CSMD1: variants seen among roughly 807,000 people sequenced by gnomAD.
CSMD1 encodes the protein CUB and Sushi multiple domains 1, also known as CUB and sushi domain-containing protein 1.
Under a neutral mutation model 417.5 loss-of-function variants are expected in CSMD1, and 213 were observed. The ratio of observed to expected loss-of-function variants is 0.51; its 90% CI spans 0.46 to 0.57. CSMD1 has a LOEUF of 0.57. CSMD1 is among the 20% of genes least tolerant of loss of function. The pLI, the probability that CSMD1 is intolerant of heterozygous loss-of-function variation, is 0.00. For missense variants in CSMD1, 6,923 were observed against 4,529.7 expected (o/e 1.53, Z -15.17); for synonymous variants, 2,862 against 1,736.8 (o/e 1.65, Z -16.11).
chr8:4,206,393 C>T (rs1799983139), intron 3 of CSMD1, among the ~76,000 whole-genome samples: 1 of 151,982 alleles, frequency 6.6e-6, no homozygotes, highest in African/African-American at 2.4e-5. Flanking sequence ...CCCACCCTGT[C>T]TCCAACTGTT....
chr8:4,853,573 A>G (rs1422717296), intron 1 of CSMD1, among the ~76,000 whole-genome samples: 1 of 152,246 alleles, frequency 6.6e-6, no homozygotes, highest in East Asian at 1.9e-4. Flanking sequence ...CCACAAAGGT[A>G]GAGTCCCACA....
At chr8:4,924,722 CAAAAAA>C (rs60827201) in intron 1 of CSMD1, among the ~76,000 whole-genome samples, 1 of 62,546 alleles carries the variant, frequency 1.6e-5, no homozygotes, top group Admixed American at 2.3e-4. Context: ...AACTCCATCT[CAAAAAA>C]AAAAAAAAAA....
chr8:3,223,819 G>C lies in CSMD1; in HGVS notation c.4394C>G (p.Pro1465Arg). 1 of 1,613,804 alleles carries C rather than the reference G, an allele frequency of 6.2e-7. No homozygotes were observed. Among genetic ancestry groups the C allele is most frequent in the Non-Finnish European group, 8.5e-7 (1 of 1,179,810 alleles). ...LTGPAGVILS[P>R]NYPQPYPPGK... ...AGGAGGATACGGCTGTGGGTAGTTG[G>C]GTGACAAAATAACACCTGCTGGGCC... is the stretch of plus-strand genomic sequence containing the variant. Residue 1465 changes from proline (P) to arginine (R), a missense_variant, in exon 28 of 70, where the codon CCC becomes CGC. Transcript: ENST00000635120.
At chr8:4,475,780 T>C (rs1158554054) in intron 2 of CSMD1, among the ~76,000 whole-genome samples, 2 of 152,046 alleles carry the variant, frequency 1.3e-5, no homozygotes, top group Non-Finnish European at 2.9e-5. Flanking sequence ...ACACAGCTAA[T>C]TTTTGTATTT....
intron 5 of CSMD1, among the ~76,000 whole-genome samples, chr8:3,888,779 G>A (rs1022124304): frequency 6.6e-6 from 1 of 152,024 alleles, no homozygotes; most frequent in African/African-American, 2.4e-5. Flanking sequence ...CCTTCCATTT[G>A]GGTCCTTCCA....
At chr8:3,507,253 A>C (rs1796866300) in intron 10 of CSMD1, among the ~76,000 whole-genome samples, 1 of 152,160 alleles carries the variant, frequency 6.6e-6, no homozygotes, top group Admixed American at 6.5e-5. Context: ...GTAGAAGTAA[A>C]AAGGAAAACT....
rs987420862 is a variant in CSMD1, at chr8:4,587,404, T to C, written c.302+49938A>G. Among the ~76,000 whole-genome samples, 6 of 76,586 alleles carry C rather than the reference T, an allele frequency of 7.8e-5. No homozygotes were observed. In the East Asian group the frequency reaches 1.4e-3, roughly 18 times the overall value. The allele number at this position is 76,586 out of a possible 152,430, so 50.2% of individuals were successfully genotyped here. On this transcript the variant is annotated intron_variant, in intron 2 of 69. Coordinates refer to ENST00000635120, the MANE Select transcript of CSMD1 (RefSeq NM_033225.6). ...ATATGTACATACATGTATATGTGGA[T>C]ATATATGTATATGTACATGTATATG...
intron 2 of CSMD1, among the ~76,000 whole-genome samples, chr8:4,454,087 G>A (rs941503286): frequency 6.6e-6 from 1 of 152,062 alleles, no homozygotes; most frequent in Admixed American, 6.5e-5. Flanking sequence ...CTCCCTAAGT[G>A]CTGGGATTAC....
At chr8:4,607,533 C>G (rs1031746036) in intron 2 of CSMD1, among the ~76,000 whole-genome samples, 1 of 152,114 alleles carries the variant, frequency 6.6e-6, no homozygotes, top group Non-Finnish European at 1.5e-5. Flanking sequence ...CAACATGGTG[C>G]TGAATTTGAC....
intron 3 of CSMD1, among the ~76,000 whole-genome samples, chr8:4,239,160 C>G (rs1166998492): frequency 2.6e-5 from 4 of 152,202 alleles, no homozygotes; most frequent in Non-Finnish European, 1.5e-5. Context: ...ATTACGTTCT[C>G]CACCAGAGTT....
At chr8:2,944,598 T>C (rs769909461) in intron 68 of CSMD1, among the ~76,000 whole-genome samples, 5 of 152,208 alleles carry the variant, frequency 3.3e-5, no homozygotes, top group Non-Finnish European at 5.9e-5. Context: ...TTGTTTTGTT[T>C]GGTTTCGTTT....
At chr8:4,524,362 A>G (rs1438133454) in intron 2 of CSMD1, among the ~76,000 whole-genome samples, 1 of 152,128 alleles carries the variant, frequency 6.6e-6, no homozygotes, top group Non-Finnish European at 1.5e-5. Flanking sequence ...TAGAAAGAAG[A>G]TGTATTCCTC....
intron 3 of CSMD1, among the ~76,000 whole-genome samples, chr8:4,344,351 G>A (rs147161857): frequency 3.0e-4 from 45 of 152,018 alleles, no homozygotes; most frequent in Non-Finnish European, 5.4e-4. Flanking sequence ...TTCAGGTTTG[G>A]TACATTATTT....
At chr8:3,312,480 G>T (rs948667737) in intron 23 of CSMD1, among the ~76,000 whole-genome samples, 1 of 152,164 alleles carries the variant, frequency 6.6e-6, no homozygotes, top group Non-Finnish European at 1.5e-5. Flanking sequence ...AAAGTTGAAA[G>T]TATTTGGCCA....
At chr8:3,905,563 T>C (rs1346182164) in intron 5 of CSMD1, among the ~76,000 whole-genome samples, 1 of 152,222 alleles carries the variant, frequency 6.6e-6, no homozygotes, top group Non-Finnish European at 1.5e-5. Flanking sequence ...TGGGAGGGCT[T>C]GTGCAAACAC....
At chr8:3,978,147 ACTT>A (rs1813583599) in intron 5 of CSMD1, among the ~76,000 whole-genome samples, 1 of 152,116 alleles carries the variant, frequency 6.6e-6, no homozygotes, top group Non-Finnish European at 1.5e-5. Context: ...CTCAAGAGAA[ACTT>A]CCTCTCGAGT....
At chr8:3,208,747 A>G (rs975096128) in intron 30 of CSMD1, among the ~76,000 whole-genome samples, 2 of 152,110 alleles carry the variant, frequency 1.3e-5, no homozygotes, top group Non-Finnish European at 2.9e-5. Context: ...CAGCATGGCT[A>G]GAATATAAGC....
chr8:4,353,456 G>C (rs920595094), intron 3 of CSMD1, among the ~76,000 whole-genome samples: 2 of 152,026 alleles, frequency 1.3e-5, no homozygotes, highest in African/African-American at 4.8e-5. Context: ...TTTATTAGCA[G>C]TGTGAGAAAA....
intron 1 of CSMD1, among the ~76,000 whole-genome samples, chr8:4,981,768 G>A (rs74482382): frequency 1.5e-3 from 225 of 152,194 alleles, no homozygotes; most frequent in African/African-American, 4.9e-3. Context: ...GGCAGGACCC[G>A]TGGCTTCCTT....
Sources: allele counts gnomAD v4.1 joint callset (sites outside exome capture counted in the v4.1 genomes callset), GRCh38; gene constraint gnomAD v4.1.1; transcripts MANE v1.5; gene names NCBI Gene and HGNC (gene_info 2026-07-23, HGNC 2026-07-21).